PPP6R3: variants seen among roughly 807,000 people sequenced by gnomAD.
The protein encoded by PPP6R3 is protein phosphatase 6 regulatory subunit 3.
A neutral mutation model predicts 110.7 loss-of-function variants in PPP6R3; 38 were observed. The ratio of observed to expected loss-of-function variants is 0.34; its 90% CI spans 0.26 to 0.45. The LOEUF is 0.45. Among genes scored for constraint, PPP6R3 ranks in the 20% least tolerant of loss-of-function variants. The pLI is 1.00. For synonymous variants in PPP6R3, 369 were observed against 373.5 expected (o/e 0.99, Z 0.14); for missense variants, 870 against 1,062.4 (o/e 0.82, Z 2.52).
Position 68,613,576 on chromosome 11 carries a change from G to A in PPP6R3, c.*459G>A, listed in dbSNP as rs1035317561. On this transcript the variant is annotated 3_prime_UTR_variant, in exon 24 of 24. Coordinates refer to ENST00000393800, the MANE Select transcript of PPP6R3 (RefSeq NM_001164161.2). ...TATGAATTCATTTTTCCTCCAGGCCGACAAGGAGTTGTAGAATGAAAATGC... is the reference window on the plus strand; with the variant it reads ...TATGAATTCATTTTTCCTCCAGGCCAACAAGGAGTTGTAGAATGAAAATGC... 4.1e-6 allele frequency: 4 copies of A among 986,038 alleles called. No homozygotes were observed. The highest frequency in any genetic ancestry group is 1.7e-5 in the African/African-American group (1 of 57,344). 61.1% of individuals were successfully genotyped at this position (986,038 alleles called of 1,614,324 possible). A position where few individuals can be genotyped will look rare whatever the true frequency, so the allele number is the denominator to read the frequency against.
chr11:68,508,121 CTTT>C (rs748376581), intron 1 of PPP6R3, among the ~76,000 whole-genome samples: 1,108 of 77,500 alleles, frequency 0.014, 2 homozygotes, highest in African/African-American at 0.036. Flanking sequence ...GTTTTTTGGC[CTTT>C]TTTTTTTTTT....
intron 1 of PPP6R3, among the ~76,000 whole-genome samples, chr11:68,461,479 T>G (rs2098706938): frequency 7.5e-6 from 1 of 133,110 alleles, no homozygotes; most frequent in African/African-American, 2.8e-5. Flanking sequence ...CTCCCTGGTG[T>G]ATTTGAGCCG....
intron 1 of PPP6R3, among the ~76,000 whole-genome samples, chr11:68,465,317 G>A (rs1460061097): frequency 2.0e-5 from 3 of 152,194 alleles, no homozygotes; most frequent in Non-Finnish European, 4.4e-5. Context: ...CTGCCCACTG[G>A]TAAGTTGGAC....
rs1244450813 is a variant in PPP6R3 at position 68,542,411 on chromosome 11, T to TTTTTTTTTTTTTTA, written c.228-2427_228-2426insTTTTTTTTTTTTTA. On this transcript the variant is annotated intron_variant, in intron 3 of 23. Coordinates refer to ENST00000393800, the MANE Select transcript of PPP6R3 (RefSeq NM_001164161.2). ...GCTGTTTTTTTTTTTTTTTTTTTTT[T>TTTTTTTTTTTTTTA]AAGACAGAGTCTTGCTCTGTCATCC... Among the ~76,000 whole-genome samples the TTTTTTTTTTTTTTA allele has an allele frequency of 4.9e-5, 7 of 141,960 alleles. No homozygotes were observed. In the East Asian group the frequency reaches 8.5e-4, roughly 17 times the overall value. The allele number at this position is 141,960 out of a possible 152,430, so 93.1% of individuals were successfully genotyped here.
intron 1 of PPP6R3, among the ~76,000 whole-genome samples, chr11:68,491,328 C>CTGTGTG (rs60972668): frequency 0.024 from 2,953 of 123,524 alleles, 50 homozygotes; most frequent in Non-Finnish European, 0.034. Flanking sequence ...GTGTCTTCAG[C>CTGTGTG]TGTGTGTGTG....
At chr11:68,504,287 A>T (rs749997367) in intron 1 of PPP6R3, among the ~76,000 whole-genome samples, 7 of 152,094 alleles carry the variant, frequency 4.6e-5, no homozygotes, top group Non-Finnish European at 7.4e-5. Flanking sequence ...AAATTTTTCA[A>T]GATTGAGAAA....
intron 1 of PPP6R3, among the ~76,000 whole-genome samples, chr11:68,478,647 G>GTTTTTCTTTT (rs2098860647): frequency 5.9e-5 from 3 of 50,506 alleles, no homozygotes; most frequent in Non-Finnish European, 6.3e-5. Context: ...CACTTGGTAA[G>GTTTTTCTTTT]TTTTTTTTTT....
intron 8 of PPP6R3, among the ~76,000 whole-genome samples, chr11:68,560,894 CTTTTT>C (rs11295490): frequency 1.7e-5 from 2 of 117,898 alleles, no homozygotes; most frequent in African/African-American, 6.4e-5. Flanking sequence ...TTCCTTATAC[CTTTTT>C]TTTTTTTTTT....
rs755347342 is a variant in PPP6R3 at position 68,519,577 on chromosome 11, C to A, written c.-81C>A. On this transcript the variant is annotated 5_prime_UTR_variant, in exon 2 of 24. Transcript: ENST00000393800. ...GCAGTAAATTGGAGGAAAACTGTTA[C>A]CAGGATAACCTGTAATGGGCAAGGA... is the stretch of plus-strand genomic sequence containing the variant. 2 of 398,334 alleles carry A rather than the reference C, an allele frequency of 5.0e-6. No individual in the cohort carries two copies. Among genetic ancestry groups the A allele is most frequent in the Non-Finnish European group, 4.4e-6 (1 of 226,028 alleles). 24.7% of individuals were successfully genotyped at this position (398,334 alleles called of 1,614,324 possible). A position where few individuals can be genotyped will look rare whatever the true frequency, so the allele number is the denominator to read the frequency against.
chr11:68,545,044 A>C lies in PPP6R3; in HGVS notation c.414+20A>C, dbSNP rs2099344086. On this transcript the variant is annotated intron_variant, in intron 4 of 23. Coordinates refer to ENST00000393800, the MANE Select transcript of PPP6R3 (RefSeq NM_001164161.2). ...GAACAGGTAAATATGATTTTCCAAA[A>C]GGTAAGTATTAGGGCTGATCATCCC... 1 of 1,559,408 alleles carries C rather than the reference A, an allele frequency of 6.4e-7. No homozygotes were observed.
intron 1 of PPP6R3, among the ~76,000 whole-genome samples, chr11:68,492,480 T>C (rs2098990233): frequency 6.6e-6 from 1 of 152,368 alleles, no homozygotes; most frequent in East Asian, 1.9e-4. Context: ...TTATATTTCA[T>C]TTTATGTATA....
At position 68,577,584 on chromosome 11, in the gene PPP6R3, T is replaced by A. The variant is rs570807055; in HGVS notation, c.1545+1541T>A. 2.6e-5 allele frequency among the ~76,000 whole-genome samples: 4 copies of A among 152,362 alleles called. No individual in the cohort carries two copies. The East Asian group carries it at 7.7e-4, about 29-fold the overall frequency. ...TCTTAGGTAACTCAAGCATATTTCT[T>A]TTGTGAGCAGTTCTGTAATAAAGAA... On this transcript the variant is annotated intron_variant, in intron 14 of 23. Transcript: ENST00000393800.
chr11:68,478,439 C>T (rs2098853914), intron 1 of PPP6R3, among the ~76,000 whole-genome samples: 1 of 152,006 alleles, frequency 6.6e-6, no homozygotes, highest in East Asian at 1.9e-4. Context: ...TATATATAGG[C>T]CGAAAACTTA....
chr11:68,490,226 T>C (rs984529701), intron 1 of PPP6R3, among the ~76,000 whole-genome samples: 3 of 152,310 alleles, frequency 2.0e-5, no homozygotes, highest in South Asian at 2.1e-4. Flanking sequence ...GTGTTATTTT[T>C]CCCCCTCTCA....
chr11:68,511,241 A>G (rs1240618735), intron 1 of PPP6R3, among the ~76,000 whole-genome samples: 2 of 151,426 alleles, frequency 1.3e-5, no homozygotes, highest in East Asian at 3.9e-4. Context: ...TAATTTTTGT[A>G]TTTTTAGTAG....
intron 2 of PPP6R3, among the ~76,000 whole-genome samples, chr11:68,522,897 C>A (rs2099170733): frequency 6.6e-6 from 1 of 152,184 alleles, no homozygotes; most frequent in African/African-American, 2.4e-5. Context: ...AGGTATATCA[C>A]AAGGTTTATA....
intron 1 of PPP6R3, among the ~76,000 whole-genome samples, chr11:68,511,259 G>A (rs1314402335): frequency 6.6e-6 from 1 of 151,922 alleles, no homozygotes; most frequent in African/African-American, 2.4e-5. Flanking sequence ...TAGAGACGGG[G>A]TTTCGCCATG....
chr11:68,485,664 G>T (rs2098942315), intron 1 of PPP6R3, among the ~76,000 whole-genome samples: 2 of 152,122 alleles, frequency 1.3e-5, no homozygotes, highest in Non-Finnish European at 2.9e-5. Flanking sequence ...TGAACCTACT[G>T]ATGTGATGGG....
intron 1 of PPP6R3, among the ~76,000 whole-genome samples, chr11:68,492,974 G>C (rs1396763036): frequency 1.3e-5 from 2 of 152,180 alleles, no homozygotes; most frequent in South Asian, 2.1e-4. Context: ...TTGTTCTCCA[G>C]CCTTTCTTAT....
Sources: gnomAD v4.1 joint callset for allele counts (sites outside exome capture counted in the v4.1 genomes callset) on GRCh38, gnomAD v4.1.1 for gene constraint, MANE v1.5 for transcripts, NCBI Gene and HGNC (gene_info 2026-07-23, HGNC 2026-07-21) for gene names.